The following CRISPLD2 variants were observed in gnomAD, a reference collection of about 807,000 sequenced individuals.
CRISPLD2 encodes the protein cysteine rich secretory protein LCCL domain containing 2, also known as cysteine-rich secretory protein LCCL domain-containing 2.
CRISPLD2 carries 47 observed loss-of-function variants against 71.1 expected under a neutral mutation model. That is an observed-to-expected ratio of 0.66 (90% CI 0.52 to 0.84). The LOEUF (loss-of-function observed/expected upper bound fraction) is 0.84, where lower values mean the gene tolerates loss of function less well. Ranked by LOEUF, CRISPLD2 falls within the 40% of genes least tolerant of loss-of-function variation. CRISPLD2 has a pLI of 0.00. For synonymous variants in CRISPLD2, 317 were observed against 250.1 expected (o/e 1.27, Z -2.52); for missense variants, 830 against 651.1 (o/e 1.27, Z -2.99).
intron 2 of CRISPLD2, among the ~76,000 whole-genome samples, chr16:84,841,638 C>T (rs1476779392): frequency 3.3e-5 from 5 of 151,996 alleles, no homozygotes; most frequent in Non-Finnish European, 7.4e-5. Flanking sequence ...CTCTGTCCCC[C>T]AGGCTGGAGT....
chr16:84,875,546 TTATTTTA>T, intron 11 of CRISPLD2, among the ~76,000 whole-genome samples: 1 of 150,582 alleles, frequency 6.6e-6, no homozygotes, highest in Middle Eastern at 3.4e-3. Flanking sequence ...CTTGCTTTTT[TTATTTTA>T]TTTTTTATTT....
intron 14 of CRISPLD2, among the ~76,000 whole-genome samples, chr16:84,905,067 G>A (rs1157525606): frequency 6.6e-6 from 1 of 151,984 alleles, no homozygotes; most frequent in Non-Finnish European, 1.5e-5. Context: ...GATCACTTGG[G>A]CCCAGGAGTT....
At chr16:84,906,540 G>T (rs751499585) in intron 14 of CRISPLD2, 48 bp from the exon 15 acceptor site, 1 of 1,602,310 alleles carries the variant, frequency 6.2e-7, no homozygotes. Flanking sequence ...CCCTGCAGGA[G>T]GCCCTCCAGA....
chr16:84,856,614 A>G (rs912162779), intron 6 of CRISPLD2, among the ~76,000 whole-genome samples: 1 of 152,176 alleles, frequency 6.6e-6, no homozygotes, highest in Non-Finnish European at 1.5e-5. Context: ...GAACTCGTGA[A>G]TATTGGCTAT....
rs912235042 is a variant in CRISPLD2 at position 84,907,417 on chromosome 16, T to C, written c.*775T>C. 15 of 152,382 alleles carry C rather than the reference T, an allele frequency of 9.8e-5. No individual in the cohort carries two copies. Among genetic ancestry groups the C allele is most frequent in the African/African-American group, 2.4e-4 (10 of 41,464 alleles). The allele number at this position is 152,382 out of a possible 1,614,324, so 9.4% of individuals were successfully genotyped here. A position where few individuals can be genotyped will look rare whatever the true frequency, so the allele number is the denominator to read the frequency against. ...TTTTCTGCCGTGACCTTTGGTCCCA[T>C]TGAGGACTAAGGATCGGGACCCTTT... On this transcript the variant is annotated 3_prime_UTR_variant, in exon 15 of 15. Coordinates refer to ENST00000262424, the MANE Select transcript of CRISPLD2 (RefSeq NM_031476.4).
intron 1 of CRISPLD2, among the ~76,000 whole-genome samples, chr16:84,833,370 C>T (rs530264104): frequency 6.6e-6 from 1 of 152,280 alleles, no homozygotes; most frequent in South Asian, 2.1e-4. Flanking sequence ...AGTTTTGCAA[C>T]TCTGGCAAAA....
intron 13 of CRISPLD2, among the ~76,000 whole-genome samples, chr16:84,882,347 C>CAAAAAAAAAAAAA (rs80146835): frequency 2.5e-4 from 19 of 77,458 alleles, no homozygotes; most frequent in Non-Finnish European, 3.6e-4. Flanking sequence ...ACCAATAAAG[C>CAAAAAAAAAAAAA]AAAAAAAAAA....
chr16:84,903,181 G>A (rs920579276), intron 14 of CRISPLD2, among the ~76,000 whole-genome samples: 43 of 152,206 alleles, frequency 2.8e-4, no homozygotes, highest in Admixed American at 2.0e-3. Context: ...ATGGCCTCCC[G>A]TCAATTTAAT....
At chr16:84,877,589 G>C (rs2244486) in intron 12 of CRISPLD2, 79 bp downstream of exon 12, 521,291 of 1,370,364 alleles carry the variant, frequency 0.38, 107,313 homozygotes, top group African/African-American at 0.76. Context: ...GTGGCTCACA[G>C]CTGTAATCCC....
intron 13 of CRISPLD2, 143 bp downstream of exon 13, chr16:84,880,727 A>G (rs1006738546): frequency 1.4e-5 from 8 of 557,914 alleles, no homozygotes; most frequent in Non-Finnish European, 2.2e-5. Flanking sequence ...TAATTTCGAG[A>G]TGGAGTCTTA....
At chr16:84,895,636 G>A (rs1424349467) in intron 14 of CRISPLD2, among the ~76,000 whole-genome samples, 1 of 152,172 alleles carries the variant, frequency 6.6e-6, no homozygotes. Flanking sequence ...CAAATGAGAT[G>A]AAGAGGTTTG....
At chr16:84,871,463 C>T (rs2143285186) in intron 8 of CRISPLD2, among the ~76,000 whole-genome samples, 1 of 152,232 alleles carries the variant, frequency 6.6e-6, no homozygotes, top group South Asian at 2.1e-4. Flanking sequence ...CACCTGAGCC[C>T]AGGAAGTTGA....
intron 13 of CRISPLD2, among the ~76,000 whole-genome samples, chr16:84,882,347 C>CAAAAAAAAAAA (rs80146835): frequency 3.0e-4 from 23 of 77,482 alleles, no homozygotes; most frequent in Admixed American, 4.9e-4. Flanking sequence ...ACCAATAAAG[C>CAAAAAAAAAAA]AAAAAAAAAA....
intron 13 of CRISPLD2, among the ~76,000 whole-genome samples, chr16:84,886,797 A>G (rs916046416): frequency 2.6e-5 from 4 of 152,204 alleles, no homozygotes; most frequent in African/African-American, 9.6e-5. Flanking sequence ...CCTGGGTGAC[A>G]AAGTGAGATC....
chr16:84,823,007 AT>A (rs1387316099), intron 1 of CRISPLD2, among the ~76,000 whole-genome samples: 1 of 152,212 alleles, frequency 6.6e-6, no homozygotes, highest in Admixed American at 6.5e-5. Context: ...CCCCAGGCCC[AT>A]TAGGCATCAT....
chr16:84,883,182 G>C (rs553522715), intron 13 of CRISPLD2, among the ~76,000 whole-genome samples: 29 of 152,336 alleles, frequency 1.9e-4, no homozygotes, highest in African/African-American at 7.0e-4. Flanking sequence ...AGCCACCTCC[G>C]TGTGAGAGGT....
intron 6 of CRISPLD2, among the ~76,000 whole-genome samples, chr16:84,863,693 G>A (rs1047482081): frequency 7.9e-5 from 12 of 152,200 alleles, no homozygotes; most frequent in Non-Finnish European, 1.5e-4. Flanking sequence ...GGGATGGCCG[G>A]GCGCGGTGGC....
At chr16:84,841,264 A>G (rs1322687251) in intron 2 of CRISPLD2, among the ~76,000 whole-genome samples, 1 of 152,208 alleles carries the variant, frequency 6.6e-6, no homozygotes, top group Non-Finnish European at 1.5e-5. Context: ...TGAGCAAGCA[A>G]GCGTGCAGGG....
intron 14 of CRISPLD2, among the ~76,000 whole-genome samples, chr16:84,890,264 C>T (rs2071649813): frequency 6.6e-6 from 1 of 152,056 alleles, no homozygotes; most frequent in African/African-American, 2.4e-5. Flanking sequence ...GAGGCTGAGG[C>T]AGGAGAATGG....
Sources: allele counts gnomAD v4.1 joint callset (sites outside exome capture counted in the v4.1 genomes callset), GRCh38; gene constraint gnomAD v4.1.1; transcripts MANE v1.5; gene names NCBI Gene and HGNC (gene_info 2026-07-23, HGNC 2026-07-21).